ALMS1: variants seen among roughly 807,000 people sequenced by gnomAD.
ALMS1 encodes the protein ALMS1 centrosome and basal body associated protein, also known as centrosome-associated protein ALMS1.
ALMS1 carries 271 observed loss-of-function variants against 352.2 expected under a neutral mutation model. That is an observed-to-expected ratio of 0.77 (90% CI 0.70 to 0.85). The LOEUF is 0.85. Among genes scored for constraint, ALMS1 ranks in the 40% least tolerant of loss-of-function variants. ALMS1 has a pLI of 0.00. For synonymous variants in ALMS1, 1,865 were observed against 1,761.2 expected (o/e 1.06, Z -1.48); for missense variants, 5,445 against 4,870.7 (o/e 1.12, Z -3.51).
chr2:73,417,285 T>G (rs1450164975), intron 2 of ALMS1, among the ~76,000 whole-genome samples: 3 of 152,138 alleles, frequency 2.0e-5, no homozygotes, highest in Non-Finnish European at 4.4e-5. Context: ...AGAGGTAGAC[T>G]AGGATTACTG....
intron 11 of ALMS1, among the ~76,000 whole-genome samples, chr2:73,532,252 C>T (rs145320926): frequency 2.0e-5 from 3 of 152,152 alleles, no homozygotes; most frequent in Admixed American, 6.5e-5. Flanking sequence ...TGGATACTGC[C>T]TATGTTTGTT....
chr2:73,440,942 G>A (rs1206731845), intron 7 of ALMS1, among the ~76,000 whole-genome samples: 2 of 152,162 alleles, frequency 1.3e-5, no homozygotes, highest in Non-Finnish European at 2.9e-5. Context: ...CAGGGGAGTT[G>A]CATTCTGGTC....
chr2:73,440,309 C>T (rs912389475), intron 7 of ALMS1, among the ~76,000 whole-genome samples: 1 of 152,034 alleles, frequency 6.6e-6, no homozygotes, highest in Non-Finnish European at 1.5e-5. Flanking sequence ...TTGGGTTTTC[C>T]TGTTTGGAGC....
intron 9 of ALMS1, among the ~76,000 whole-genome samples, chr2:73,467,147 C>G (rs188238545): frequency 3.3e-5 from 5 of 152,182 alleles, no homozygotes; most frequent in Admixed American, 3.3e-4. Flanking sequence ...CTAAATTGCT[C>G]TTCATGAAAG....
At chr2:73,488,986 T>C (rs1168345029) in intron 9 of ALMS1, among the ~76,000 whole-genome samples, 3 of 152,180 alleles carry the variant, frequency 2.0e-5, no homozygotes, top group Non-Finnish European at 4.4e-5. Flanking sequence ...ATTTTATTTT[T>C]TCACGTCATT....
At chr2:73,485,449 T>C (rs1351429097) in intron 9 of ALMS1, among the ~76,000 whole-genome samples, 10 of 152,342 alleles carry the variant, frequency 6.6e-5, no homozygotes, top group African/African-American at 2.2e-4. Flanking sequence ...TCTCCAGCTG[T>C]GTGCTGGGAG....
Position 73,449,407 on chromosome 2 carries a change from A to G in ALMS1, c.2880A>G (p.Lys960=), listed in dbSNP as rs1238528749. Residue 960 remains lysine (K), a synonymous_variant, in exon 8 of 23, where the codon AAA becomes AAG. Transcript: ENST00000613296. The part of the protein sequence containing the change: ...VSSNSHSHSE[K]SSVFYQQELP... ...CTAATTCTCACTCACATAGCGAGAA[A>G]TCTAGTGTTTTCTACCAGCAAGAGT... 2 of 1,614,082 alleles carry G rather than the reference A, an allele frequency of 1.2e-6. No individual in the cohort carries two copies. The highest frequency in any genetic ancestry group is 2.2e-5 in the South Asian group (2 of 91,084).
intron 6 of ALMS1, among the ~76,000 whole-genome samples, chr2:73,427,827 T>C (rs1252474000): frequency 6.6e-6 from 1 of 152,176 alleles, no homozygotes; most frequent in Admixed American, 6.5e-5. Context: ...CCTTGTGATA[T>C]AGCCTTATAT....
chr2:73,562,093 A>C (rs747301489), intron 15 of ALMS1, among the ~76,000 whole-genome samples: 90 of 152,198 alleles, frequency 5.9e-4, no homozygotes, highest in Non-Finnish European at 1.1e-3. Flanking sequence ...GTTGCCTCTA[A>C]AGAAGATAAT....
chr2:73,486,909 G>T (rs1176835688), intron 9 of ALMS1, among the ~76,000 whole-genome samples: 1 of 152,064 alleles, frequency 6.6e-6, no homozygotes, highest in Non-Finnish European at 1.5e-5. Flanking sequence ...AAGAAAATTA[G>T]CCCGGTGTAG....
rs760374917 is a variant in ALMS1 at position 73,601,455 on chromosome 2, A to G, written c.12114+19A>G. 6 of 1,613,258 alleles carry G rather than the reference A, an allele frequency of 3.7e-6. No individual in the cohort carries two copies. The highest frequency in any genetic ancestry group is 3.3e-5 in the South Asian group (3 of 91,008). ...CCTTCAGGTGCAGTGACGTTGACTT[A>G]ACTTTAATGCTACGTGTAGGGAGAA... On this transcript the variant is annotated intron_variant, in intron 19 of 22. Coordinates refer to ENST00000613296, the MANE Select transcript of ALMS1 (RefSeq NM_001378454.1).
intron 13 of ALMS1, among the ~76,000 whole-genome samples, chr2:73,553,636 GAAT>G (rs1182067325): frequency 1.3e-5 from 2 of 152,114 alleles, no homozygotes; most frequent in Non-Finnish European, 2.9e-5. Context: ...GCTTAGCTGT[GAAT>G]AATAATTATA....
At chr2:73,385,801 A>G (rs906360921), upstream of ALMS1, 5 of 654,308 alleles carry the variant, frequency 7.6e-6, no homozygotes, top group Admixed American at 9.3e-5. Flanking sequence ...ACCGCCAGTC[A>G]GGGCTCTCCC....
chr2:73,537,831 A>T (rs951033178), intron 12 of ALMS1, among the ~76,000 whole-genome samples: 9 of 152,020 alleles, frequency 5.9e-5, no homozygotes, highest in Non-Finnish European at 1.5e-5. Flanking sequence ...ATGTAGTAAG[A>T]CCCTGTCTCT....
At chr2:73,459,349 TATTA>T (rs1054762956) in intron 9 of ALMS1, 2 of 152,240 alleles carry the variant, frequency 1.3e-5, no homozygotes, top group African/African-American at 2.4e-5. Flanking sequence ...GTGTTTTACA[TATTA>T]ATTAATAAGT....
chr2:73,435,151 G>C (rs1464741079), intron 7 of ALMS1, among the ~76,000 whole-genome samples: 1 of 152,124 alleles, frequency 6.6e-6, no homozygotes, highest in Admixed American at 6.5e-5. Flanking sequence ...TGTATCTGCT[G>C]TAAAGAGCAT....
In ALMS1 at chr2:73,489,868, A is replaced by C; in HGVS notation, c.7909A>C (p.Asn2637His). 6.2e-7 allele frequency: 1 copy of C among 1,614,196 alleles called. No homozygotes were observed. Among genetic ancestry groups the C allele is most frequent in the East Asian group, 2.2e-5 (1 of 44,890 alleles). Residue 2637 changes from asparagine to histidine, a missense_variant, in exon 10 of 23, where the codon AAC (asparagine) becomes CAC (histidine). By Grantham distance (68) the Asn-to-His change is moderately conservative (BLOSUM62 1). Coordinates refer to ENST00000613296, the MANE Select transcript of ALMS1 (RefSeq NM_001378454.1). Reference sequence around the variant, plus strand: ...CCTTTCTGCATCCTTAGACCAGAACAACTCCCATTTCAAAGTTTGGAATTC... The same window carrying C: ...CCTTTCTGCATCCTTAGACCAGAACCACTCCCATTTCAAAGTTTGGAATTC... The part of the protein sequence containing the change: ...VNLSASLDQN[N>H]SHFKVWNSLQ...
At chr2:73,435,743 C>T (rs1426965902) in intron 7 of ALMS1, among the ~76,000 whole-genome samples, 1 of 151,964 alleles carries the variant, frequency 6.6e-6, no homozygotes, top group East Asian at 1.9e-4. Context: ...AGGTGTGTAC[C>T]ACTACACTGA....
intron 16 of ALMS1, among the ~76,000 whole-genome samples, chr2:73,591,607 G>T (rs1489797458): frequency 5.3e-5 from 8 of 152,152 alleles, no homozygotes; most frequent in Admixed American, 5.2e-4. Flanking sequence ...TATTAAACTT[G>T]AAGTTGGATC....
Sources: gnomAD v4.1 joint callset for allele counts (sites outside exome capture counted in the v4.1 genomes callset) on GRCh38, gnomAD v4.1.1 for gene constraint, MANE v1.5 for transcripts, NCBI Gene and HGNC (gene_info 2026-07-23, HGNC 2026-07-21) for gene names.